Variants in FOXO3 observed in about 807,000 individuals in gnomAD.
FOXO3 encodes the protein forkhead box O3, also known as forkhead box protein O3.
In FOXO3, 4 loss-of-function variants were observed where a neutral mutation model predicts 41.9. That is an observed-to-expected ratio of 0.10 (90% confidence interval 0.05 to 0.22). The LOEUF is 0.22. Ranked by LOEUF, FOXO3 falls within the 10% of genes least tolerant of loss-of-function variation. The probability of loss-of-function intolerance (pLI) is 1.00; values close to 1 mark genes in which losing one functional copy is unlikely to be tolerated. For missense variants in FOXO3, 534 were observed against 906.8 expected (o/e 0.59, Z 5.28); for synonymous variants, 318 against 389.3 (o/e 0.82, Z 2.16).
intron 1 of FOXO3, among the ~76,000 whole-genome samples, chr6:108,568,079 G>A (rs1775994324): frequency 6.6e-6 from 1 of 151,846 alleles, no homozygotes; most frequent in Non-Finnish European, 1.5e-5. Flanking sequence ...CTGTTGTGGT[G>A]GTGCATGCCT....
chr6:108,578,998 A>G (rs1200422516), intron 1 of FOXO3, among the ~76,000 whole-genome samples: 1 of 152,208 alleles, frequency 6.6e-6, no homozygotes, highest in Non-Finnish European at 1.5e-5. Context: ...ATGATCAGCT[A>G]GCTATATCAA....
intron 1 of FOXO3, among the ~76,000 whole-genome samples, chr6:108,634,849 A>G (rs1778077798): frequency 6.6e-6 from 1 of 152,182 alleles, no homozygotes; most frequent in South Asian, 2.1e-4. Context: ...CAAGTATATA[A>G]CAATATGGAT....
chr6:108,612,395 T>C (rs1204648139), intron 1 of FOXO3, among the ~76,000 whole-genome samples: 3 of 152,086 alleles, frequency 2.0e-5, no homozygotes, highest in African/African-American at 7.2e-5. Context: ...AATAGAGTTT[T>C]CTGGCCAGGC....
chr6:108,573,423 C>A (rs892992093), intron 1 of FOXO3, among the ~76,000 whole-genome samples: 2 of 152,238 alleles, frequency 1.3e-5, no homozygotes, highest in Admixed American at 1.3e-4. Flanking sequence ...GAATGCTCAT[C>A]TTCAGAGTTG....
In FOXO3 at chr6:108,682,294, C is replaced by CT. The variant is rs2128394716; in HGVS notation, c.*2503dup. 6.5e-6 allele frequency: 1 copy of CT among 152,752 alleles called. No homozygotes were observed. The highest frequency in any genetic ancestry group is 2.4e-5 in the African/African-American group (1 of 41,566). The allele number at this position is 152,752 out of a possible 1,614,324, so 9.5% of individuals were successfully genotyped here. A position where few individuals can be genotyped will look rare whatever the true frequency, so the allele number is the denominator to read the frequency against. On this transcript the variant is annotated 3_prime_UTR_variant, in exon 3 of 3. Coordinates refer to ENST00000406360, the MANE Select transcript of FOXO3 (RefSeq NM_001455.4). ...TCCTAGAACCAGATTATCATTTAAT[C>CT]TGAAACAGCTGAGGAAGGGACAGAG...
intron 1 of FOXO3, among the ~76,000 whole-genome samples, chr6:108,643,725 A>T (rs1329336133): frequency 1.3e-5 from 2 of 152,178 alleles, no homozygotes; most frequent in Non-Finnish European, 2.9e-5. Context: ...CCCCAGCTAT[A>T]GCAGTGTTGC....
At chr6:108,563,526 C>T (rs1403379746) in intron 1 of FOXO3, among the ~76,000 whole-genome samples, 2 of 152,224 alleles carry the variant, frequency 1.3e-5, no homozygotes, top group East Asian at 1.9e-4. Flanking sequence ...ATCAGGAAGG[C>T]GTAAGCGGAC....
At chr6:108,560,698 C>T (rs771865457), upstream of FOXO3, among the ~76,000 whole-genome samples, 1 of 152,106 alleles carries the variant, frequency 6.6e-6, no homozygotes, top group Non-Finnish European at 1.5e-5. Context: ...CAAACGCACG[C>T]ACACCCGAGC....
upstream of FOXO3, chr6:108,560,765 C>T (rs989064723): frequency 2.2e-5 from 6 of 274,624 alleles, no homozygotes; most frequent in Non-Finnish European, 4.0e-5. Flanking sequence ...GCTTTAAAGG[C>T]GCGGCCGCCC....
chr6:108,571,194 G>A (rs1356784827), intron 1 of FOXO3, among the ~76,000 whole-genome samples: 1 of 152,214 alleles, frequency 6.6e-6, no homozygotes, highest in Non-Finnish European at 1.5e-5. Context: ...TCTCAGGTAA[G>A]AGAGAAAGGT....
At chr6:108,587,050 A>G (rs997738305) in intron 1 of FOXO3, among the ~76,000 whole-genome samples, 2 of 151,094 alleles carry the variant, frequency 1.3e-5, no homozygotes, top group African/African-American at 2.4e-5. Flanking sequence ...GGCTCAAGCA[A>G]TCCTCTCACC....
intron 1 of FOXO3, among the ~76,000 whole-genome samples, chr6:108,643,338 G>A (rs1778309486): frequency 6.6e-6 from 1 of 152,176 alleles, no homozygotes; most frequent in Non-Finnish European, 1.5e-5. Flanking sequence ...GACAGGAAAG[G>A]ACCTGGGGAA....
At chr6:108,623,332 A>C (rs776834940) in intron 1 of FOXO3, among the ~76,000 whole-genome samples, 2 of 152,176 alleles carry the variant, frequency 1.3e-5, no homozygotes, top group South Asian at 4.1e-4. Context: ...GGGTGAGTAG[A>C]AGATACTGTG....
At chr6:108,660,338 T>C (rs1482619288) in intron 1 of FOXO3, among the ~76,000 whole-genome samples, 7 of 152,206 alleles carry the variant, frequency 4.6e-5, no homozygotes, top group African/African-American at 1.7e-4. Flanking sequence ...CATTATTCTT[T>C]TTAAAAACCG....
At chr6:108,622,909 T>C (rs1389694238) in intron 1 of FOXO3, among the ~76,000 whole-genome samples, 1 of 151,314 alleles carries the variant, frequency 6.6e-6, no homozygotes, top group Admixed American at 6.6e-5. Flanking sequence ...TCTTCTGGAA[T>C]TGTGCATAAG....
chr6:108,657,797 G>T (rs753354785), intron 1 of FOXO3, among the ~76,000 whole-genome samples: 114 of 152,290 alleles, frequency 7.5e-4, no homozygotes, highest in Non-Finnish European at 1.3e-3. Context: ...GGGAAGAAGT[G>T]GGGAAACATT....
chr6:108,560,940 T>C lies in FOXO3; in HGVS notation c.-269T>C. ...GCGGTGTCTGCTGCGCCAGGTTCGC[T>C]GGCCGCACGTCTTCAGGTCCTCCTG... On this transcript the variant is annotated 5_prime_UTR_variant, in exon 1 of 3. Coordinates refer to ENST00000406360, the MANE Select transcript of FOXO3 (RefSeq NM_001455.4). The C allele has an allele frequency of 7.7e-7, 1 of 1,295,880 alleles. No homozygotes were observed. Among genetic ancestry groups the C allele is most frequent in the Non-Finnish European group, 9.8e-7 (1 of 1,023,932 alleles). 80.3% of individuals were successfully genotyped at this position (1,295,880 alleles called of 1,614,324 possible). A position where few individuals can be genotyped will look rare whatever the true frequency, so the allele number is the denominator to read the frequency against.
At chr6:108,606,417 A>G (rs1459095891) in intron 1 of FOXO3, among the ~76,000 whole-genome samples, 1 of 152,180 alleles carries the variant, frequency 6.6e-6, no homozygotes, top group African/African-American at 2.4e-5. Context: ...CAATTGTGAT[A>G]TTCCTCCCCT....
chr6:108,604,219 A>T (rs1777130600), intron 1 of FOXO3, among the ~76,000 whole-genome samples: 2 of 152,200 alleles, frequency 1.3e-5, no homozygotes, highest in Non-Finnish European at 2.9e-5. Flanking sequence ...TTTAGGAAAG[A>T]TATGGTCATT....
Sources: allele counts gnomAD v4.1 joint callset (sites outside exome capture counted in the v4.1 genomes callset), GRCh38; gene constraint gnomAD v4.1.1; transcripts MANE v1.5; gene names NCBI Gene and HGNC (gene_info 2026-07-23, HGNC 2026-07-21).